Variants in THSD7B observed in about 807,000 individuals in gnomAD.
The protein encoded by THSD7B is thrombospondin type 1 domain containing 7B.
In THSD7B, 138 loss-of-function variants were observed where a neutral mutation model predicts 213.6. The observed-to-expected ratio is 0.65, with a 90% CI of 0.56 to 0.74. THSD7B has a LOEUF of 0.74. THSD7B is among the 30% of genes least tolerant of loss of function. The probability of loss-of-function intolerance (pLI) is 0.00; values close to 1 mark genes in which losing one functional copy is unlikely to be tolerated. For synonymous variants in THSD7B, 742 were observed against 687.0 expected, an observed-to-expected ratio of 1.08 and a Z score of -1.25; for missense variants, 1,931 against 1,991.5, an observed-to-expected ratio of 0.97 and a Z score of 0.58.
intron 15 of THSD7B, among the ~76,000 whole-genome samples, chr2:137,540,197 A>G (rs971595859): frequency 2.6e-5 from 4 of 151,700 alleles, no homozygotes; most frequent in African/African-American, 9.7e-5. Context: ...GTGACTCAAT[A>G]AAACTTGATT....
chr2:137,239,085 G>C (rs531172184), intron 9 of THSD7B, among the ~76,000 whole-genome samples: 4 of 152,136 alleles, frequency 2.6e-5, no homozygotes, highest in South Asian at 2.1e-4. Flanking sequence ...GAAAGCAGTA[G>C]GTTCTCAACC....
At chr2:137,077,718 T>G (rs186623863) in intron 3 of THSD7B, among the ~76,000 whole-genome samples, 22,763 of 141,560 alleles carry the variant, frequency 0.16, 2,165 homozygotes, top group East Asian at 0.19. Context: ...GTAGATTCTG[T>G]ATATTAGCCC....
At chr2:137,282,674 T>C (rs1227169003) in intron 12 of THSD7B, among the ~76,000 whole-genome samples, 1 of 152,202 alleles carries the variant, frequency 6.6e-6, no homozygotes, top group Non-Finnish European at 1.5e-5. Flanking sequence ...CCTTTCCCCA[T>C]TGCTTGTTTT....
At chr2:137,398,961 G>T (rs1326958689) in intron 12 of THSD7B, among the ~76,000 whole-genome samples, 2 of 152,154 alleles carry the variant, frequency 1.3e-5, no homozygotes, top group Admixed American at 6.5e-5. Context: ...CTTTGACTCG[G>T]AAAGGGAACT....
chr2:137,520,003 G>A (rs1454064117), intron 15 of THSD7B, among the ~76,000 whole-genome samples: 1 of 152,204 alleles, frequency 6.6e-6, no homozygotes, highest in East Asian at 1.9e-4. Context: ...GAAGAGCCCT[G>A]AGGCATGGAG....
intron 5 of THSD7B, among the ~76,000 whole-genome samples, chr2:137,115,739 T>C (rs1018404773): frequency 6.6e-5 from 10 of 152,214 alleles, no homozygotes; most frequent in Admixed American, 5.9e-4. Context: ...CGCCAAGTTT[T>C]AATTTTTCTG....
At position 137,659,698 on chromosome 2, in the gene THSD7B, T is replaced by C. The variant is rs967866042; in HGVS notation, c.4410T>C (p.Ile1470=). The part of the protein sequence containing the change: ...GCSPQARPAA[I]RQCIPACRKP... ...CCCCTCAGGCCCGTCCTGCTGCCATTCGGCAGTGCATTCCAGCCTGCAGAA... is the reference window on the plus strand; with the variant it reads ...CCCCTCAGGCCCGTCCTGCTGCCATCCGGCAGTGCATTCCAGCCTGCAGAA... The change falls in exon 25 of 28, where the codon ATT becomes ATC. Residue 1470 remains isoleucine (I), a synonymous_variant. Coordinates refer to ENST00000409968, the MANE Select transcript of THSD7B (RefSeq NM_001316349.2). The C allele has an allele frequency of 6.2e-7, 1 of 1,605,326 alleles. No homozygotes were observed. The highest frequency in any genetic ancestry group is 1.3e-5 in the African/African-American group (1 of 74,948).
At chr2:137,228,118 A>G (rs956798755) in intron 7 of THSD7B, among the ~76,000 whole-genome samples, 1 of 151,006 alleles carries the variant, frequency 6.6e-6, no homozygotes, top group Non-Finnish European at 1.5e-5. Flanking sequence ...GGCTAGACAC[A>G]TTGCAGCTGA....
intron 15 of THSD7B, among the ~76,000 whole-genome samples, chr2:137,520,751 G>A (rs1379460503): frequency 6.6e-6 from 1 of 152,124 alleles, no homozygotes; most frequent in East Asian, 1.9e-4. Context: ...TATGCACTAG[G>A]AAACCAATAA....
At chr2:137,444,910 A>T (rs1687504302) in intron 14 of THSD7B, among the ~76,000 whole-genome samples, 1 of 152,146 alleles carries the variant, frequency 6.6e-6, no homozygotes, top group African/African-American at 2.4e-5. Context: ...AGGAACTCCA[A>T]TAGCAAAAAC....
chr2:137,676,521 C>T lies in THSD7B; in HGVS notation c.4740-3C>T. 3 of 1,587,164 alleles carry T rather than the reference C, an allele frequency of 1.9e-6. No individual in the cohort carries two copies. The highest frequency in any genetic ancestry group is 1.2e-5 in the South Asian group (1 of 86,054). On this transcript the variant is annotated splice_region_variant and splice_polypyrimidine_tract_variant and intron_variant, in intron 27 of 27. Coordinates refer to ENST00000409968, the MANE Select transcript of THSD7B (RefSeq NM_001316349.2). The stretch of plus-strand genomic sequence containing the variant: ...GATCTGAGGAATTTTTTTCCCTTTG[C>T]AGCAAGAAGCCAAAACCACATCAAA...
At chr2:137,212,831 A>G (rs1014212250) in intron 7 of THSD7B, among the ~76,000 whole-genome samples, 6 of 152,042 alleles carry the variant, frequency 3.9e-5, no homozygotes, top group African/African-American at 1.2e-4. Flanking sequence ...CCAAGATGCT[A>G]TAAAGAGAAG....
At chr2:137,477,247 T>A (rs1295107331) in intron 15 of THSD7B, among the ~76,000 whole-genome samples, 1 of 152,236 alleles carries the variant, frequency 6.6e-6, no homozygotes, top group Non-Finnish European at 1.5e-5. Context: ...AATTTATCCT[T>A]TGCCATTGTA....
At chr2:136,988,202 G>T (rs1468319806) in intron 2 of THSD7B, among the ~76,000 whole-genome samples, 1 of 152,112 alleles carries the variant, frequency 6.6e-6, no homozygotes, top group Non-Finnish European at 1.5e-5. Context: ...GGTCTGTACA[G>T]ATTTCCCAAA....
At chr2:137,070,424 C>G (rs78358621) in intron 3 of THSD7B, among the ~76,000 whole-genome samples, 1 of 151,754 alleles carries the variant, frequency 6.6e-6, no homozygotes, top group South Asian at 2.1e-4. Flanking sequence ...ATCTACTGCA[C>G]TTGTATTTTC....
intron 15 of THSD7B, among the ~76,000 whole-genome samples, chr2:137,497,200 A>G (rs1359080077): frequency 1.0e-5 from 1 of 97,460 alleles, no homozygotes; most frequent in Non-Finnish European, 2.5e-5. Context: ...ACACATACAC[A>G]ACACACACAC....
intron 12 of THSD7B, among the ~76,000 whole-genome samples, chr2:137,320,673 G>A (rs1384752388): frequency 6.6e-6 from 1 of 152,214 alleles, no homozygotes; most frequent in African/African-American, 2.4e-5. Flanking sequence ...GCTTTACTGT[G>A]AATCCACTAA....
chr2:137,297,670 G>A (rs116825983), intron 12 of THSD7B, among the ~76,000 whole-genome samples: 4,967 of 152,104 alleles, frequency 0.033, 91 homozygotes, highest in East Asian at 0.052. Flanking sequence ...GACCTAGTGG[G>A]AGGTAATTGA....
At chr2:137,318,166 G>T (rs1253245796) in intron 12 of THSD7B, among the ~76,000 whole-genome samples, 1 of 152,166 alleles carries the variant, frequency 6.6e-6, no homozygotes. Flanking sequence ...TTTTGATTTT[G>T]CTTCAAGCAT....
Sources: gnomAD v4.1 joint callset for allele counts (sites outside exome capture counted in the v4.1 genomes callset) on GRCh38, gnomAD v4.1.1 for gene constraint, MANE v1.5 for transcripts, NCBI Gene and HGNC (gene_info 2026-07-23, HGNC 2026-07-21) for gene names.